Variants in COL7A1 observed in about 807,000 individuals in gnomAD.
COL7A1 encodes collagen alpha-1(VII) chain.
COL7A1 carries 296 observed loss-of-function variants against 456.2 expected under a neutral mutation model. The observed-to-expected ratio is 0.65, with a 90% CI of 0.59 to 0.71. The LOEUF is 0.71. Ranked by LOEUF, COL7A1 falls within the 30% of genes least tolerant of loss-of-function variation. The pLI is 0.00. For synonymous variants in COL7A1, 1,464 were observed against 1,525.9 expected (o/e 0.96, Z 0.95); for missense variants, 3,441 against 4,017.2 (o/e 0.86, Z 3.88).
In COL7A1 at chr3:48,568,957, G is replaced by A. The variant is rs928979981; in HGVS notation, c.7687-102C>T. 21 of 1,179,408 alleles carry A rather than the reference G, an allele frequency of 1.8e-5. 1 individual carries two copies. The highest frequency in any genetic ancestry group is 9.1e-5 in the African/African-American group (6 of 65,942). 73.1% of individuals were successfully genotyped at this position (1,179,408 alleles called of 1,614,324 possible). ...CTGGGGCAGAGCTCAAGTCACTCCC[G>A]AACGGCCCTAGCAGCACGTCCTCCC... On this transcript the variant is annotated intron_variant, in intron 103 of 118. Transcript: ENST00000681320. The surrounding 1 kb of genome is among the most constrained non-coding windows in gnomAD (Gnocchi z 5.2).
At position 48,587,128 on chromosome 3, in the gene COL7A1, T is replaced by C; in HGVS notation, c.3140-20A>G. ...GGCACACTGTAGGAAGGGGAACAAG[T>C]TACTGAAGCGGGCAGCCCACCCAGA... On this transcript the variant is annotated intron_variant, in intron 24 of 118. Coordinates refer to ENST00000681320, the MANE Select transcript of COL7A1 (RefSeq NM_000094.4). This position sits in a 1 kb window ranked among gnomAD's most constrained non-coding sequence, Gnocchi z 6.1. 1 of 1,613,158 alleles carries C rather than the reference T, an allele frequency of 6.2e-7. No individual in the cohort carries two copies. The highest frequency in any genetic ancestry group is 8.5e-7 in the Non-Finnish European group (1 of 1,179,792).
In COL7A1 at chr3:48,581,276, C is replaced by T; in HGVS notation, c.4883G>A (p.Gly1628Asp). 6.2e-7 allele frequency: 1 copy of T among 1,613,506 alleles called. No individual in the cohort carries two copies. The highest frequency in any genetic ancestry group is 8.5e-7 in the Non-Finnish European group (1 of 1,179,864). ...GCCTCTTACATCTCGTCCTCGGGGG[C>T]CAACAGGTCCTGGGGGGCCAGGCCG... ...PGRPGPPGPV[G>D]PRGRDGEVGE... The change falls in exon 52 of 119, where the codon GGC (glycine) becomes GAC (aspartate). Residue 1628 changes from glycine (G) to aspartate (D), a missense_variant. Gly to Asp is a moderately conservative substitution (Grantham distance 94, BLOSUM62 -1). Transcript: ENST00000681320. The surrounding 1 kb of genome is among the most constrained non-coding windows in gnomAD (Gnocchi z 5.8).
Position 48,578,316 on chromosome 3 carries a change from C to T in COL7A1, c.5532+5G>A, listed in dbSNP as rs1210912397. ...TTTCGCCGCAGCTGCCCTGGACACA[C>T]TCACGTTTTTTCCATTCAGGCCAGG... On this transcript the variant is annotated splice_donor_5th_base_variant and intron_variant, in intron 65 of 118. Coordinates refer to ENST00000681320, the MANE Select transcript of COL7A1 (RefSeq NM_000094.4). This position sits in a 1 kb window ranked among gnomAD's most constrained non-coding sequence, Gnocchi z 4.7. The T allele has an allele frequency of 2.5e-6, 4 of 1,612,372 alleles. No individual in the cohort carries two copies. Among genetic ancestry groups the T allele is most frequent in the Non-Finnish European group, 3.4e-6 (4 of 1,180,030 alleles).
In COL7A1 at chr3:48,592,566, T is replaced by A. The variant is rs2107794243; in HGVS notation, c.976+4A>T. On this transcript the variant is annotated splice_donor_region_variant and intron_variant, in intron 8 of 118. Coordinates refer to ENST00000681320, the MANE Select transcript of COL7A1 (RefSeq NM_000094.4). The surrounding 1 kb of genome is among the most constrained non-coding windows in gnomAD (Gnocchi z 7.6). ...TGGGGTCAGAGGCTGGCAGAATTGC[T>A]CACTGGTCCGAGCTGTCCCGCTCAC... 2 of 1,613,930 alleles carry A rather than the reference T, an allele frequency of 1.2e-6. No homozygotes were observed. The highest frequency in any genetic ancestry group is 2.2e-5 in the South Asian group (2 of 91,084).
Position 48,564,467 on chromosome 3 carries a change from C to T in COL7A1, c.8819-45G>A. 6.2e-7 allele frequency: 1 copy of T among 1,612,218 alleles called. No individual in the cohort carries two copies. The highest frequency in any genetic ancestry group is 1.1e-5 in the South Asian group (1 of 90,796). ...AACGGTCGTCAGCCATCTGACCTTC[C>T]CCGGAGACGCTCAGGCAGAGGCACC... On this transcript the variant is annotated intron_variant, in intron 118 of 118. Transcript: ENST00000681320. The surrounding 1 kb of genome is among the most constrained non-coding windows in gnomAD (Gnocchi z 6.0).
rs376765256 is a variant in COL7A1, at chr3:48,571,575, A to T, written c.7069-297T>A. 37 of 674,916 alleles carry T rather than the reference A, an allele frequency of 5.5e-5. 1 individual carries two copies. Among genetic ancestry groups the T allele is most frequent in the African/African-American group, 3.7e-4 (21 of 56,110 alleles). 41.8% of individuals were successfully genotyped at this position (674,916 alleles called of 1,614,324 possible). A position where few individuals can be genotyped will look rare whatever the true frequency, so the allele number is the denominator to read the frequency against. The stretch of plus-strand genomic sequence containing the variant: ...TGGCTCCACAGACGTGAGTGCGGAC[A>T]CACGGGCGCTCAGAGGGGAACCCCA... On this transcript the variant is annotated intron_variant, in intron 92 of 118. Transcript: ENST00000681320. The surrounding 1 kb of genome is among the most constrained non-coding windows in gnomAD (Gnocchi z 4.6).
Position 48,592,865 on chromosome 3 carries a change from C to T in COL7A1, c.756G>A (p.Trp252Ter). The T allele has an allele frequency of 6.2e-7, 1 of 1,614,078 alleles. No homozygotes were observed. The highest frequency in any genetic ancestry group is 1.1e-5 in the South Asian group (1 of 91,082). ...CAGTCACAGGGCCACTGGCCGCTGT[C>T]CACTGTACTCTCAAGGATTGGCTGC... The part of the protein sequence containing the change: ...EPSSQSLRVQ[W>*]TAASGPVTGY... Residue 252 changes from tryptophan to a stop codon, truncating the protein, a stop_gained, in exon 7 of 119, where the codon TGG becomes TGA. Coordinates refer to ENST00000681320, the MANE Select transcript of COL7A1 (RefSeq NM_000094.4). LOFTEE classifies it high-confidence loss of function. This position sits in a 1 kb window ranked among gnomAD's most constrained non-coding sequence, Gnocchi z 7.6.
intron 71 of COL7A1, 110 bp from the exon 72 acceptor site, chr3:48,576,012 C>T (rs559776436): frequency 5.1e-6 from 8 of 1,560,386 alleles, no homozygotes; most frequent in South Asian, 3.4e-5. Flanking sequence ...GGCCTCTTGC[C>T]CAGAGCACCC....
Position 48,571,109 on chromosome 3 carries a change from C to T in COL7A1, c.7156G>A (p.Gly2386Ser). The T allele has an allele frequency of 6.2e-7, 1 of 1,613,952 alleles. No individual in the cohort carries two copies. The highest frequency in any genetic ancestry group is 8.5e-7 in the Non-Finnish European group (1 of 1,179,986). ...PGSPGPPGPPGVKGDLGLPGL... is the reference protein window; with the variant it reads ...PGSPGPPGPPSVKGDLGLPGL... ...ATGGGGCATTGACTTACCTTCACAC[C>T]TGGAGGGCCAGGAGGCCCAGGGGAG... The change falls in exon 94 of 119, where the codon GGT becomes AGT. Residue 2386 changes from glycine (G) to serine (S), a missense_variant. Transcript: ENST00000681320. This position sits in a 1 kb window ranked among gnomAD's most constrained non-coding sequence, Gnocchi z 4.6.
chr3:48,566,131 C>T lies in COL7A1; in HGVS notation c.8407+136G>A. Reference sequence around the variant, plus strand: ...GGACACATGTCATGTGTCAGTCCTGCAGCACATGTGTCCTTCTGTGTATCC... The same window carrying T: ...GGACACATGTCATGTGTCAGTCCTGTAGCACATGTGTCCTTCTGTGTATCC... On this transcript the variant is annotated intron_variant, in intron 114 of 118. Transcript: ENST00000681320. This position sits in a 1 kb window ranked among gnomAD's most constrained non-coding sequence, Gnocchi z 5.9. 1.1e-6 allele frequency: 1 copy of T among 928,912 alleles called. No individual in the cohort carries two copies. The allele number at this position is 928,912 out of a possible 1,614,324, so 57.5% of individuals were successfully genotyped here.
Position 48,574,814 on chromosome 3 carries a change from CA to C in COL7A1, c.6330del (p.Gly2111AspfsTer95). 6.2e-7 allele frequency: 1 copy of C among 1,613,970 alleles called. No individual in the cohort carries two copies. Among genetic ancestry groups the C allele is most frequent in the Non-Finnish European group, 8.5e-7 (1 of 1,180,004 alleles). Reference protein sequence around the residue: ...GPGLSGEQGPPGLKGAKGEPG... With the variant: ...GPGLSGEQGPXGLKGAKGEPG... The stretch of plus-strand genomic sequence containing the variant: ...ACACTGACCTTAGCACCCTTGAGTC[CA>C]GGGGGTCCCTGTTCTCCAGAGAGTC... On this transcript the variant is annotated frameshift_variant, in exon 77 of 119. Coordinates refer to ENST00000681320, the MANE Select transcript of COL7A1 (RefSeq NM_000094.4). LOFTEE classifies it high-confidence loss of function. This position sits in a 1 kb window ranked among gnomAD's most constrained non-coding sequence, Gnocchi z 5.0.
Position 48,593,825 on chromosome 3 carries a change from T to C in COL7A1, c.267-129A>G. The C allele has an allele frequency of 8.8e-7, 1 of 1,133,506 alleles. No homozygotes were observed. Among genetic ancestry groups the C allele is most frequent in the Non-Finnish European group, 1.3e-6 (1 of 759,830 alleles). 70.2% of individuals were successfully genotyped at this position (1,133,506 alleles called of 1,614,324 possible). A position where few individuals can be genotyped will look rare whatever the true frequency, so the allele number is the denominator to read the frequency against. On this transcript the variant is annotated intron_variant, in intron 3 of 118. Transcript: ENST00000681320. The surrounding 1 kb of genome is among the most constrained non-coding windows in gnomAD (Gnocchi z 4.4). ...GAGGGGTCCCTTCGTTCTGTCATTC[T>C]CCACACCCACTTGCCTCTGGAACCC...
Position 48,585,020 on chromosome 3 carries a change from G to A in COL7A1, c.3975+16C>T. Reference sequence around the variant, plus strand: ...AGGCAGCGCCCACCCTGACCTGCAGGACAAGGCTTGCTCACCTTTAGGCCA... The same window carrying A: ...AGGCAGCGCCCACCCTGACCTGCAGAACAAGGCTTGCTCACCTTTAGGCCA... On this transcript the variant is annotated intron_variant, in intron 33 of 118. Transcript: ENST00000681320. The surrounding 1 kb of genome is among the most constrained non-coding windows in gnomAD (Gnocchi z 4.5). 2 of 1,613,518 alleles carry A rather than the reference G, an allele frequency of 1.2e-6. No homozygotes were observed. Among genetic ancestry groups the A allele is most frequent in the Non-Finnish European group, 1.7e-6 (2 of 1,179,992 alleles).
In COL7A1 at chr3:48,586,192, C is replaced by A; in HGVS notation, c.3605G>T (p.Arg1202Leu). Residue 1202 changes from arginine (R) to leucine (L), a missense_variant, in exon 28 of 119, where the codon CGC becomes CTC. By Grantham distance (102) the Arg-to-Leu change is moderately radical (BLOSUM62 -2). Coordinates refer to ENST00000681320, the MANE Select transcript of COL7A1 (RefSeq NM_000094.4). The surrounding 1 kb of genome is among the most constrained non-coding windows in gnomAD (Gnocchi z 5.1). The stretch of plus-strand genomic sequence containing the variant: ...GACAGAGTCCATACCCGGCGCCAAG[C>A]GACGCAGCTGCTCTGGGTCCGCTCC... ...MAGADPEQLR[R>L]LAPGMDSVQT... is the part of the protein sequence containing the mutation. The A allele has an allele frequency of 1.9e-6, 3 of 1,613,376 alleles. No homozygotes were observed. The highest frequency in any genetic ancestry group is 2.5e-6 in the Non-Finnish European group (3 of 1,180,034).
rs1279685645 is a variant in COL7A1 at position 48,565,320 on chromosome 3, A to C, written c.8527+90T>G. On this transcript the variant is annotated intron_variant, in intron 116 of 118. Coordinates refer to ENST00000681320, the MANE Select transcript of COL7A1 (RefSeq NM_000094.4). This position sits in a 1 kb window ranked among gnomAD's most constrained non-coding sequence, Gnocchi z 4.5. ...TGCGTGTGCCCTGCATGCAGACCCT[A>C]CGTGCTTGGCGTGTGCCCTGCATTC... The C allele has an allele frequency of 3.3e-6, 5 of 1,502,972 alleles. No individual in the cohort carries two copies. The highest frequency in any genetic ancestry group is 4.6e-6 in the Non-Finnish European group (5 of 1,098,378). The allele number at this position is 1,502,972 out of a possible 1,614,324, so 93.1% of individuals were successfully genotyped here. A position where few individuals can be genotyped will look rare whatever the true frequency, so the allele number is the denominator to read the frequency against.
rs1314442545 is a variant in COL7A1 at position 48,594,448 on chromosome 3, T to G, written c.186A>C (p.Glu62Asp). Residue 62 changes from glutamate (E) to aspartate (D), a missense_variant, in exon 3 of 119, where the codon GAA becomes GAC. This residue lies in a region of COL7A1 where 913 missense variants were observed against 1,088.2 expected (regional missense o/e 0.84). Coordinates refer to ENST00000681320, the MANE Select transcript of COL7A1 (RefSeq NM_000094.4). This position sits in a 1 kb window ranked among gnomAD's most constrained non-coding sequence, Gnocchi z 5.5. ...SNFREVRSFLEGLVLPFSGAA... is the reference protein window; with the variant it reads ...SNFREVRSFLDGLVLPFSGAA... Reference sequence around the variant, plus strand: ...CTCCAGAGAAAGGCAGCACCAGCCCTTCGAGAAAGCTGCGGACCTCGCGGA... The same window carrying G: ...CTCCAGAGAAAGGCAGCACCAGCCCGTCGAGAAAGCTGCGGACCTCGCGGA... The G allele has an allele frequency of 6.2e-7, 1 of 1,612,138 alleles. No homozygotes were observed. Among genetic ancestry groups the G allele is most frequent in the Non-Finnish European group, 8.5e-7 (1 of 1,180,034 alleles).
chr3:48,565,030 T>C lies in COL7A1; in HGVS notation c.8621-50A>G. Reference sequence around the variant, plus strand: ...AGGGTTTGTGGGAATCAGAGAGGGTTGAAAGGTCAGGGGGAGGTCAGCAGG... The same window carrying C: ...AGGGTTTGTGGGAATCAGAGAGGGTCGAAAGGTCAGGGGGAGGTCAGCAGG... On this transcript the variant is annotated intron_variant, in intron 117 of 118. Coordinates refer to ENST00000681320, the MANE Select transcript of COL7A1 (RefSeq NM_000094.4). The surrounding 1 kb of genome is among the most constrained non-coding windows in gnomAD (Gnocchi z 4.5). The C allele has an allele frequency of 6.2e-7, 1 of 1,613,202 alleles. No homozygotes were observed. Among genetic ancestry groups the C allele is most frequent in the Non-Finnish European group, 8.5e-7 (1 of 1,179,458 alleles).
Position 48,566,863 on chromosome 3 carries a change from T to C in COL7A1, c.8226+44A>G. ...GAAGATGGTTATGAGGTTGGAAGGG[T>C]AGGGAAGGTTCAGGGATCAGGAGTC... On this transcript the variant is annotated intron_variant, in intron 111 of 118. Coordinates refer to ENST00000681320, the MANE Select transcript of COL7A1 (RefSeq NM_000094.4). This position sits in a 1 kb window ranked among gnomAD's most constrained non-coding sequence, Gnocchi z 5.9. 13 of 1,573,298 alleles carry C rather than the reference T, an allele frequency of 8.3e-6. No homozygotes were observed. Among genetic ancestry groups the C allele is most frequent in the Non-Finnish European group, 1.1e-5 (13 of 1,152,092 alleles).
Position 48,588,359 on chromosome 3 carries a change from C to T in COL7A1, c.2633G>A (p.Arg878His), listed in dbSNP as rs775718981. The change falls in exon 21 of 119, where the codon CGC becomes CAC. Residue 878 changes from arginine (R) to histidine (H), a missense_variant. Physicochemically the swap from Arg to His is conservative, Grantham distance 29. Coordinates refer to ENST00000681320, the MANE Select transcript of COL7A1 (RefSeq NM_000094.4). This position sits in a 1 kb window ranked among gnomAD's most constrained non-coding sequence, Gnocchi z 4.6. The stretch of plus-strand genomic sequence containing the variant: ...GCGCAGCCTCAGCGAGTGCTCCCCG[C>T]GCTGCACCACGTGAAGCGTCCCCAG... ...PALGTLHVVQRGEHSLRLRWE... is the reference protein window; with the variant it reads ...PALGTLHVVQHGEHSLRLRWE... 15 of 1,612,302 alleles carry T rather than the reference C, an allele frequency of 9.3e-6. No individual in the cohort carries two copies. The highest frequency in any genetic ancestry group is 6.7e-5 in the Admixed American group (4 of 59,974).
Sources: allele counts gnomAD v4.1 joint callset, GRCh38; gene constraint gnomAD v4.1.1; regional missense constraint gnomAD v4.1.1; non-coding constraint Gnocchi (gnomAD v3.1); transcripts MANE v1.5; gene names NCBI Gene and HGNC (gene_info 2026-07-23, HGNC 2026-07-21).